Variants in CASP6 observed in about 807,000 individuals in gnomAD.
The protein encoded by CASP6 is caspase 6, also known as caspase-6.
In CASP6, 20 loss-of-function variants were observed where a neutral mutation model predicts 31.8. That is an observed-to-expected ratio of 0.63 (90% CI 0.44 to 0.91). The LOEUF is 0.91. CASP6 is among the 40% of genes least tolerant of loss of function. The probability of loss-of-function intolerance (pLI) is 0.00; values close to 1 mark genes in which losing one functional copy is unlikely to be tolerated. For missense variants in CASP6, 328 were observed against 361.1 expected (o/e 0.91, Z 0.74); for synonymous variants, 130 against 127.8 (o/e 1.02, Z -0.12).
intron 6 of CASP6, 108 bp from the exon 7 acceptor site, chr4:109,689,676 C>G: frequency 2.0e-6 from 2 of 975,706 alleles, no homozygotes; most frequent in South Asian, 3.2e-5. Context: ...TTAGAAGAGT[C>G]TTAAGATGTG....
chr4:109,664,422 C>CA, the CASP6 span: 2 of 616,260 alleles, frequency 3.2e-6, no homozygotes, highest in Non-Finnish European at 5.4e-6. Context: ...CCAACTATTA[C>CA]TTTTTTTTTT....
the CASP6 span, among the ~76,000 whole-genome samples, chr4:109,668,077 G>A: frequency 6.6e-6 from 1 of 151,980 alleles, no homozygotes; most frequent in African/African-American, 2.4e-5. Flanking sequence ...GTCTTGATGA[G>A]ATGTTCCCTG....
downstream of CASP6, among the ~76,000 whole-genome samples, chr4:109,686,020 A>G (rs1486052203): frequency 6.6e-6 from 1 of 152,216 alleles, no homozygotes; most frequent in Non-Finnish European, 1.5e-5. Context: ...CCATTGCTCA[A>G]TGCATGCTTG....
chr4:109,702,061 C>T (rs1730435941), intron 1 of CASP6, among the ~76,000 whole-genome samples: 1 of 152,232 alleles, frequency 6.6e-6, no homozygotes, highest in Non-Finnish European at 1.5e-5. Flanking sequence ...TGTAGAGTAA[C>T]CTCCATCAGG....
At chr4:109,686,577 T>G (rs1050043750), downstream of CASP6, among the ~76,000 whole-genome samples, 2 of 152,244 alleles carry the variant, frequency 1.3e-5, no homozygotes, top group Non-Finnish European at 2.9e-5. Flanking sequence ...TTCAGCTAGT[T>G]TACAAGACAG....
At chr4:109,677,773 A>G in the CASP6 span, among the ~76,000 whole-genome samples, 11 of 150,126 alleles carry the variant, frequency 7.3e-5, no homozygotes, top group South Asian at 2.4e-3. Flanking sequence ...GCCTCCACTA[A>G]CAAATTTCTG....
downstream of CASP6, chr4:109,687,628 T>C (rs2126154115): frequency 2.8e-6 from 4 of 1,414,088 alleles, no homozygotes; most frequent in Non-Finnish European, 4.0e-6. Flanking sequence ...TTTTCCATTA[T>C]GTATTGATTT....
the CASP6 span, among the ~76,000 whole-genome samples, chr4:109,677,538 G>A: frequency 6.6e-6 from 1 of 152,190 alleles, no homozygotes; most frequent in African/African-American, 2.4e-5. Flanking sequence ...CTAATGCAAA[G>A]CTGTTGGGAA....
At chr4:109,697,275 T>G (rs1402674820) in intron 3 of CASP6, among the ~76,000 whole-genome samples, 2 of 152,160 alleles carry the variant, frequency 1.3e-5, no homozygotes, top group African/African-American at 4.8e-5. Context: ...AAAAATTATT[T>G]TATTTTTTAT....
intron 4 of CASP6, among the ~76,000 whole-genome samples, chr4:109,695,996 T>A (rs972184629): frequency 6.6e-6 from 1 of 152,168 alleles, no homozygotes; most frequent in African/African-American, 2.4e-5. Context: ...TACCCCCTAT[T>A]GACGCTGTGA....
chr4:109,694,787 A>G (rs1053505924), intron 4 of CASP6, 87 bp from the exon 5 acceptor site: 1 of 1,261,446 alleles, frequency 7.9e-7, no homozygotes, highest in Non-Finnish European at 1.1e-6. Flanking sequence ...ACACAAGAAT[A>G]AAGTTACATC....
the CASP6 span, among the ~76,000 whole-genome samples, chr4:109,679,814 G>GTTA: frequency 6.6e-5 from 10 of 150,876 alleles, no homozygotes; most frequent in Admixed American, 6.6e-4. Flanking sequence ...TGTTGTTGTT[G>GTTA]TTTTTGAGAC....
the CASP6 span, among the ~76,000 whole-genome samples, chr4:109,678,811 A>C: frequency 7.8e-3 from 604 of 77,514 alleles, no homozygotes; most frequent in East Asian, 9.5e-3. Context: ...GCGCTCCTCA[A>C]TTCCCAGACG....
chr4:109,694,581 AC>A lies in CASP6; in HGVS notation c.426del (p.Leu142PhefsTer36), dbSNP rs770195013. On this transcript the variant is annotated frameshift_variant, in exon 5 of 7. Transcript: ENST00000265164. LOFTEE classifies it high-confidence loss of function. ...AKIEIQTLTG[L>X]FKGDKCHSLV... is the part of the protein sequence containing the mutation. ...AGGCTGTGACACTTGTCTCCTTTGAACAAGCCAGTTAATGTCTGAATTTCGA... is the reference window on the plus strand; with the variant it reads ...AGGCTGTGACACTTGTCTCCTTTGAAAAGCCAGTTAATGTCTGAATTTCGA... 4 of 1,611,804 alleles carry A rather than the reference AC, an allele frequency of 2.5e-6. No individual in the cohort carries two copies. The Admixed American group carries it at 6.7e-5, about 27-fold the overall frequency.
At chr4:109,691,130 G>T in intron 5 of CASP6, 121 bp from the exon 6 acceptor site, 1 of 1,043,382 alleles carries the variant, frequency 9.6e-7, no homozygotes. Flanking sequence ...ATTCTGAGCA[G>T]TTCAGAAGCA....
chr4:109,672,863 T>C, the CASP6 span, among the ~76,000 whole-genome samples: 10 of 152,248 alleles, frequency 6.6e-5, no homozygotes, highest in Admixed American at 1.3e-4. Context: ...CTTTTACTTT[T>C]TGATATAGAA....
chr4:109,694,127 A>G (rs1369410229), intron 5 of CASP6, among the ~76,000 whole-genome samples: 1 of 152,210 alleles, frequency 6.6e-6, no homozygotes, highest in African/African-American at 2.4e-5. Flanking sequence ...TAAGACTAGA[A>G]GGCTTTATTT....
At chr4:109,669,998 G>A in the CASP6 span, among the ~76,000 whole-genome samples, 603 of 152,274 alleles carry the variant, frequency 4.0e-3, 4 homozygotes, top group African/African-American at 0.013. Context: ...TAATTCCAAT[G>A]TTCCTGCCAT....
chr4:109,676,290 G>A, the CASP6 span, among the ~76,000 whole-genome samples: 1 of 152,168 alleles, frequency 6.6e-6, no homozygotes, highest in African/African-American at 2.4e-5. Context: ...TATAATCCCG[G>A]CACTTTAGGA....
Sources: allele counts gnomAD v4.1 joint callset (sites outside exome capture counted in the v4.1 genomes callset), GRCh38; gene constraint gnomAD v4.1.1; transcripts MANE v1.5; gene names NCBI Gene and HGNC (gene_info 2026-07-23, HGNC 2026-07-21).